The following ARHGAP15 variants were observed in gnomAD, a reference collection of about 807,000 sequenced individuals.
ARHGAP15 encodes rho GTPase-activating protein 15.
A neutral mutation model predicts 63.7 loss-of-function variants in ARHGAP15; 51 were observed. The ratio of observed to expected loss-of-function variants is 0.80; its 90% confidence interval spans 0.64 to 1.01. The LOEUF (loss-of-function observed/expected upper bound fraction) is 1.01, where lower values mean the gene tolerates loss of function less well. Ranked by LOEUF, ARHGAP15 falls within the 50% of genes least tolerant of loss-of-function variation. The pLI, the probability that ARHGAP15 is intolerant of heterozygous loss-of-function variation, is 0.00. For synonymous variants in ARHGAP15, 191 were observed against 193.8 expected (o/e 0.99, Z 0.12); for missense variants, 560 against 564.6 (o/e 0.99, Z 0.08).
chr2:143,225,164 G>A (rs1693156934), intron 4 of ARHGAP15, among the ~76,000 whole-genome samples: 1 of 152,132 alleles, frequency 6.6e-6, no homozygotes. Context: ...ACGGAATGGT[G>A]CATTTTTATT....
intron 6 of ARHGAP15, among the ~76,000 whole-genome samples, chr2:143,392,671 A>G (rs1687584825): frequency 6.6e-6 from 1 of 152,184 alleles, no homozygotes; most frequent in Admixed American, 6.6e-5. Flanking sequence ...TGAAGTAGAG[A>G]TGGATGAGGT....
intron 4 of ARHGAP15, among the ~76,000 whole-genome samples, chr2:143,227,522 T>C (rs1157381375): frequency 6.6e-6 from 1 of 152,146 alleles, no homozygotes; most frequent in African/African-American, 2.4e-5. Flanking sequence ...GAGGAAGTCA[T>C]GGAAGGCACA....
intron 8 of ARHGAP15, among the ~76,000 whole-genome samples, chr2:143,461,201 A>T (rs1251347395): frequency 6.9e-6 from 1 of 144,888 alleles, no homozygotes; most frequent in African/African-American, 2.5e-5. Flanking sequence ...GAGGCAGGAG[A>T]ATCGCTTGAA....
chr2:143,231,827 T>A (rs2104919202), intron 5 of ARHGAP15, among the ~76,000 whole-genome samples: 1 of 152,310 alleles, frequency 6.6e-6, no homozygotes, highest in South Asian at 2.1e-4. Flanking sequence ...TTTGCATCTG[T>A]CCTGTCTTCT....
At chr2:143,209,689 T>C (rs1040644370) in intron 3 of ARHGAP15, among the ~76,000 whole-genome samples, 1 of 151,694 alleles carries the variant, frequency 6.6e-6, no homozygotes. Flanking sequence ...GGAAGAAGAA[T>C]GTTGAAGCAG....
intron 6 of ARHGAP15, among the ~76,000 whole-genome samples, chr2:143,285,322 TATAA>T (rs1682036232): frequency 6.6e-6 from 1 of 152,032 alleles, no homozygotes; most frequent in African/African-American, 2.4e-5. Context: ...AAATGCAAAA[TATAA>T]ATATACTAAA....
chr2:143,437,131 A>T, intron 8 of ARHGAP15, 89 bp downstream of exon 8: 1 of 1,387,350 alleles, frequency 7.2e-7, no homozygotes, highest in East Asian at 2.4e-5. Flanking sequence ...ATTTAAGCCA[A>T]ACTCATCATA....
intron 6 of ARHGAP15, among the ~76,000 whole-genome samples, chr2:143,267,124 G>A (rs745652686): frequency 6.6e-6 from 1 of 152,098 alleles, no homozygotes; most frequent in African/African-American, 2.4e-5. Context: ...GTACAGTGAC[G>A]ACAGGAAGAA....
chr2:143,272,911 T>A (rs1056827820), intron 6 of ARHGAP15, among the ~76,000 whole-genome samples: 1 of 152,204 alleles, frequency 6.6e-6, no homozygotes, highest in African/African-American at 2.4e-5. Context: ...TAAATTTAAC[T>A]CTATATGATG....
chr2:143,561,479 A>G (rs1476051097), intron 11 of ARHGAP15, among the ~76,000 whole-genome samples: 1 of 150,300 alleles, frequency 6.7e-6, no homozygotes, highest in African/African-American at 2.4e-5. Flanking sequence ...ATTACTTCTT[A>G]CCAGGATTTT....
In ARHGAP15 at chr2:143,330,127, AAAAACC is replaced by A. The variant is rs1684470324; in HGVS notation, c.474+79532_474+79537del. 7.4e-5 allele frequency among the ~76,000 whole-genome samples: 6 copies of A among 81,298 alleles called. 1 individual carries two copies. The highest frequency in any genetic ancestry group is 1.0e-4 in the African/African-American group (2 of 19,830). The allele number at this position is 81,298 out of a possible 152,430, so 53.3% of individuals were successfully genotyped here. On this transcript the variant is annotated intron_variant, in intron 6 of 13. Coordinates refer to ENST00000295095, the MANE Select transcript of ARHGAP15 (RefSeq NM_018460.4). Reference sequence around the variant, plus strand: ...AAAAAAAAAAAAAAAAAAAAAAAAAAAAAACCAAAAACAAAAAACTAAACTAATGAT... The same window carrying A: ...AAAAAAAAAAAAAAAAAAAAAAAAAAAAAAACAAAAAACTAAACTAATGAT...
chr2:143,506,565 G>A (rs1693334502), intron 9 of ARHGAP15, among the ~76,000 whole-genome samples: 2 of 152,124 alleles, frequency 1.3e-5, no homozygotes, highest in South Asian at 4.1e-4. Context: ...CTTAACATTT[G>A]AATTGTATTA....
chr2:143,728,979 T>C (rs1685411489), intron 13 of ARHGAP15, among the ~76,000 whole-genome samples: 1 of 152,252 alleles, frequency 6.6e-6, no homozygotes. Flanking sequence ...CACAGAGCTA[T>C]GGTCTCAGTT....
intron 6 of ARHGAP15, among the ~76,000 whole-genome samples, chr2:143,357,151 T>C (rs573388007): frequency 1.3e-5 from 2 of 152,322 alleles, no homozygotes; most frequent in Non-Finnish European, 2.9e-5. Flanking sequence ...ATGTTGTAAT[T>C]TAATATACTG....
intron 6 of ARHGAP15, among the ~76,000 whole-genome samples, chr2:143,376,023 T>C (rs1686794168): frequency 1.3e-5 from 2 of 152,216 alleles, no homozygotes; most frequent in African/African-American, 4.8e-5. Flanking sequence ...GTGGCATTCT[T>C]TGTCATCTCT....
intron 2 of ARHGAP15, among the ~76,000 whole-genome samples, chr2:143,199,033 G>A (rs1428072420): frequency 6.6e-6 from 1 of 152,058 alleles, no homozygotes; most frequent in African/African-American, 2.4e-5. Flanking sequence ...ATAATGAGTA[G>A]TAATTAAGAG....
intron 11 of ARHGAP15, among the ~76,000 whole-genome samples, chr2:143,621,796 C>G (rs1290007454): frequency 6.6e-6 from 1 of 152,070 alleles, no homozygotes; most frequent in Non-Finnish European, 1.5e-5. Flanking sequence ...CTTGAATTAA[C>G]TGATATTAAT....
At chr2:143,486,290 G>T (rs537535091) in intron 8 of ARHGAP15, among the ~76,000 whole-genome samples, 1 of 151,912 alleles carries the variant, frequency 6.6e-6, no homozygotes, top group African/African-American at 2.4e-5. Flanking sequence ...GACACCTTGG[G>T]CCAGGAACAG....
At chr2:143,766,303 A>C (rs7581136) in intron 13 of ARHGAP15, among the ~76,000 whole-genome samples, 44,484 of 152,108 alleles carry the variant, frequency 0.29, 7,429 homozygotes, top group African/African-American at 0.45. Flanking sequence ...AGTTCTCCCA[A>C]CCAGGACGTA....
Sources: allele counts gnomAD v4.1 joint callset (sites outside exome capture counted in the v4.1 genomes callset), GRCh38; gene constraint gnomAD v4.1.1; transcripts MANE v1.5; gene names NCBI Gene and HGNC (gene_info 2026-07-23, HGNC 2026-07-21).